CDKL5: variants seen among roughly 807,000 people sequenced by gnomAD.
The protein encoded by CDKL5 is cyclin dependent kinase like 5.
Under a neutral mutation model 61.7 loss-of-function variants are expected in CDKL5, and 8 were observed. That is an observed-to-expected ratio of 0.13 (90% CI 0.08 to 0.23). The LOEUF (loss-of-function observed/expected upper bound fraction) is 0.23, where lower values mean the gene tolerates loss of function less well. Among genes scored for constraint, CDKL5 ranks in the 10% least tolerant of loss-of-function variants. The probability of loss-of-function intolerance (pLI) is 1.00; values close to 1 mark genes in which losing one functional copy is unlikely to be tolerated. For synonymous variants in CDKL5, 275 were observed against 272.3 expected (o/e 1.01, Z -0.10); for missense variants, 440 against 734.5 (o/e 0.60, Z 4.63).
chrX:18,641,764 C>T (rs1424360942), downstream of CDKL5: 9 of 398,695 alleles, frequency 2.3e-5, no homozygotes, highest in Admixed American at 2.6e-4. Context: ...TAAGAAAATT[C>T]GTTTCGGGGA....
At chrX:18,482,677 G>GT (rs751218896) in intron 1 of CDKL5, among the ~76,000 whole-genome samples, 1,862 of 89,025 alleles carry the variant, frequency 0.021, 38 homozygotes, top group African/African-American at 0.064. Flanking sequence ...GTCAGTTCTT[G>GT]TTTTTTTTTT....
chrX:18,508,076 G>C (rs1051298216), intron 2 of CDKL5, among the ~76,000 whole-genome samples: 11 of 111,759 alleles, frequency 9.8e-5, no homozygotes, highest in Non-Finnish European at 1.9e-4. Context: ...TTTTGCTCTA[G>C]ACTTAAAGAT....
At chrX:18,504,687 T>C (rs1176161256) in intron 1 of CDKL5, among the ~76,000 whole-genome samples, 1 of 110,948 alleles carries the variant, frequency 9.0e-6, no homozygotes, top group Non-Finnish European at 1.9e-5. Context: ...ATCCCAGCAC[T>C]TTGGGAGGCC....
intron 1 of CDKL5, among the ~76,000 whole-genome samples, chrX:18,436,724 AC>A (rs1023639304): frequency 1.5e-4 from 16 of 107,578 alleles, no homozygotes; most frequent in African/African-American, 5.1e-4. Context: ...ACATGGCAAA[AC>A]CCCATTTCTA....
At chrX:18,582,422 T>G (rs1925511412) in intron 7 of CDKL5, among the ~76,000 whole-genome samples, 1 of 111,754 alleles carries the variant, frequency 8.9e-6, no homozygotes, top group African/African-American at 3.2e-5. Context: ...TTACAGCTTT[T>G]GATTGAATGT....
intron 15 of CDKL5, among the ~76,000 whole-genome samples, chrX:18,615,881 T>C (rs1040298150): frequency 1.8e-5 from 2 of 112,538 alleles, no homozygotes; most frequent in African/African-American, 6.5e-5. Flanking sequence ...TAAATAGATA[T>C]TGCAGTATGA....
intron 12 of CDKL5, among the ~76,000 whole-genome samples, chrX:18,607,157 G>A (rs752030526): frequency 1.3e-4 from 14 of 111,406 alleles, no homozygotes; most frequent in South Asian, 7.7e-4. Flanking sequence ...GGTGTCTTGC[G>A]GACATGTTGA....
intron 3 of CDKL5, among the ~76,000 whole-genome samples, chrX:18,552,102 GT>G (rs776265531): frequency 9.1e-6 from 1 of 109,703 alleles, no homozygotes; most frequent in South Asian, 4.0e-4. Flanking sequence ...GCCGGGCATG[GT>G]GGCGTGTGCC....
At chrX:18,457,643 TC>T (rs760711537) in intron 1 of CDKL5, 133 of 110,990 alleles carry the variant, frequency 1.2e-3, no homozygotes, top group Non-Finnish European at 2.0e-3. Context: ...TTTGACTGAG[TC>T]TCGCTCTGTT....
chrX:18,648,266 C>T (rs1461696178), intron 20 of CDKL5, among the ~76,000 whole-genome samples: 1 of 109,568 alleles, frequency 9.1e-6, no homozygotes, highest in Non-Finnish European at 1.9e-5. Flanking sequence ...TCTTTTGAGA[C>T]AGGGTCTCGC....
At chrX:18,499,566 T>A (rs1448128295) in intron 1 of CDKL5, among the ~76,000 whole-genome samples, 1 of 110,873 alleles carries the variant, frequency 9.0e-6, no homozygotes, top group Non-Finnish European at 1.9e-5. Context: ...GGTTTCACCA[T>A]GTTAACCAGG....
chrX:18,477,313 C>T (rs756064120), intron 1 of CDKL5, among the ~76,000 whole-genome samples: 120 of 111,215 alleles, frequency 1.1e-3, no homozygotes, highest in African/African-American at 3.8e-3. Context: ...GTGATCTGTC[C>T]ACCTTGGCCT....
Position 18,430,857 on chromosome X carries a change from AT to A in CDKL5, c.-163+5172del, listed in dbSNP as rs773670614. 3.6e-3 allele frequency among the ~76,000 whole-genome samples: 357 copies of A among 97,875 alleles called. 1 individual carries two copies. Among genetic ancestry groups the A allele is most frequent in the Middle Eastern group, 0.019 (3 of 160 alleles). The allele number at this position is 97,875 out of a possible 115,157, so 85.0% of individuals were successfully genotyped here. A position where few individuals can be genotyped will look rare whatever the true frequency, so the allele number is the denominator to read the frequency against. Reference sequence around the variant, plus strand: ...AAAACAAATTTTCTTTACATTTTTAATTTTTTTTTTCTTTTTTTTTTGAGAT... The same window carrying A: ...AAAACAAATTTTCTTTACATTTTTAATTTTTTTTTCTTTTTTTTTTGAGAT... On this transcript the variant is annotated intron_variant, in intron 1 of 17. Coordinates refer to ENST00000623535, the MANE Select transcript of CDKL5 (RefSeq NM_001323289.2).
chrX:18,431,423 C>CTTTTCTTTTTTTTTTTT (rs1931484876), intron 1 of CDKL5, among the ~76,000 whole-genome samples: 1 of 95,530 alleles, frequency 1.0e-5, no homozygotes, highest in African/African-American at 3.8e-5. Flanking sequence ...GATTTCTTTT[C>CTTTTCTTTTTTTTTTTT]TTTTTTTTTT....
At chrX:18,569,126 G>A (rs1925060027) in intron 4 of CDKL5, among the ~76,000 whole-genome samples, 1 of 112,048 alleles carries the variant, frequency 8.9e-6, no homozygotes, top group Non-Finnish European at 1.9e-5. Context: ...TATTAAAAAG[G>A]AAGAATGTTT....
intron 1 of CDKL5, among the ~76,000 whole-genome samples, chrX:18,496,638 T>A (rs952426343): frequency 4.5e-5 from 5 of 111,620 alleles, no homozygotes; most frequent in Non-Finnish European, 9.4e-5. Flanking sequence ...TATTTTGGGG[T>A]AAAATATTTT....
intron 15 of CDKL5, among the ~76,000 whole-genome samples, chrX:18,617,569 C>T (rs759224796): frequency 9.8e-5 from 11 of 112,141 alleles, no homozygotes; most frequent in Non-Finnish European, 2.1e-4. Context: ...TTGTTCCAGC[C>T]AGCCTCTTTC....
At chrX:18,617,512 A>G (rs1274516855) in intron 15 of CDKL5, among the ~76,000 whole-genome samples, 1 of 112,365 alleles carries the variant, frequency 8.9e-6, no homozygotes. Flanking sequence ...CTGTCAATGT[A>G]TAACTCATTC....
intron 1 of CDKL5, among the ~76,000 whole-genome samples, chrX:18,444,473 T>G (rs1931827604): frequency 9.0e-6 from 1 of 111,598 alleles, no homozygotes; most frequent in Non-Finnish European, 1.9e-5. Context: ...TATATATGTG[T>G]GTACAAACAT....
Sources: gnomAD v4.1 joint callset for allele counts (sites outside exome capture counted in the v4.1 genomes callset) on GRCh38, gnomAD v4.1.1 for gene constraint, MANE v1.5 for transcripts, NCBI Gene and HGNC (gene_info 2026-07-23, HGNC 2026-07-21) for gene names.